The following RNLS variants were observed in gnomAD, a reference collection of about 807,000 sequenced individuals.
RNLS encodes renalase.
A neutral mutation model predicts 39.8 loss-of-function variants in RNLS; 39 were observed. The observed-to-expected ratio is 0.98, with a 90% CI of 0.76 to 1.28. The LOEUF (loss-of-function observed/expected upper bound fraction) is 1.28, where lower values mean the gene tolerates loss of function less well. RNLS is among the 50% of genes most tolerant of loss of function. The pLI is 0.00. For synonymous variants in RNLS, 147 were observed against 150.7 expected (o/e 0.98, Z 0.18); for missense variants, 410 against 413.3 (o/e 0.99, Z 0.07).
chr10:88,510,852 A>C (rs909121380), intron 4 of RNLS, among the ~76,000 whole-genome samples: 1 of 151,102 alleles, frequency 6.6e-6, no homozygotes, highest in Non-Finnish European at 1.5e-5. Flanking sequence ...GTTTCGAGAA[A>C]AAAAAAAAAG....
At chr10:88,446,781 T>C (rs10736354) in intron 4 of RNLS, among the ~76,000 whole-genome samples, 106,032 of 152,070 alleles carry the variant, frequency 0.7, 37,896 homozygotes, top group African/African-American at 0.86. Flanking sequence ...ACTGGCAAAC[T>C]GAATCCAGCA....
At chr10:88,189,604 A>G in the RNLS span, among the ~76,000 whole-genome samples, 7 of 152,188 alleles carry the variant, frequency 4.6e-5, no homozygotes, top group African/African-American at 1.7e-4. Flanking sequence ...AGGGACTACT[A>G]CTGTTCTTAT....
intron 4 of RNLS, among the ~76,000 whole-genome samples, chr10:88,461,202 T>C (rs1842917340): frequency 6.6e-6 from 1 of 152,062 alleles, no homozygotes; most frequent in African/African-American, 2.4e-5. Context: ...TCAAGTTATG[T>C]CCTCAAGGCT....
chr10:88,344,065 A>C lies in RNLS; in HGVS notation c.700+18487T>G, dbSNP rs192240455. ...CTACTCAGCATTATGCCCTCTATGA[A>C]ATTTTGTGTTAAGTGGTATTATGAT... is the stretch of plus-strand genomic sequence containing the variant. On this transcript the variant is annotated intron_variant, in intron 5 of 6. Coordinates refer to ENST00000331772, the MANE Select transcript of RNLS (RefSeq NM_001031709.3). Among the ~76,000 whole-genome samples, 8 of 152,198 alleles carry C rather than the reference A, an allele frequency of 5.3e-5. No individual in the cohort carries two copies. The East Asian group carries it at 1.5e-3, about 29-fold the overall frequency.
chr10:88,583,025 C>T, intron 1 of RNLS, 48 bp downstream of exon 1: 12 of 1,591,626 alleles, frequency 7.5e-6, no homozygotes, highest in Non-Finnish European at 1.0e-5. Flanking sequence ...CCTCAGCAGC[C>T]TGCCCGGCAG....
chr10:88,268,339 AG>A, the RNLS span, among the ~76,000 whole-genome samples: 3 of 152,130 alleles, frequency 2.0e-5, no homozygotes, highest in East Asian at 5.8e-4. Flanking sequence ...AAAACTTGAA[AG>A]CTCTCCATAT....
the RNLS span, among the ~76,000 whole-genome samples, chr10:88,232,025 T>G: frequency 6.6e-6 from 1 of 151,740 alleles, no homozygotes; most frequent in East Asian, 1.9e-4. Context: ...GATTCCATGT[T>G]TGTGGTTGTG....
rs183305680 is a variant in RNLS, at chr10:88,313,145, T to C, written c.876+1321A>G. ...GCACAACTTTGATTAGACCATTTTG[T>C]GGTTAGGACAAATCTATTTTTATTA... On this transcript the variant is annotated intron_variant, in intron 6 of 6. Transcript: ENST00000331772. 2.8e-3 allele frequency among the ~76,000 whole-genome samples: 432 copies of C among 152,356 alleles called. 2 individuals are homozygous for C. The highest frequency in any genetic ancestry group is 8.9e-3 in the African/African-American group (368 of 41,580).
At chr10:88,554,278 A>T (rs536390106) in intron 4 of RNLS, among the ~76,000 whole-genome samples, 1 of 152,212 alleles carries the variant, frequency 6.6e-6, no homozygotes, top group African/African-American at 2.4e-5. Flanking sequence ...ACATATAAAT[A>T]GTAAATGGAA....
chr10:88,428,143 T>C (rs1854915990), intron 4 of RNLS, among the ~76,000 whole-genome samples: 1 of 152,140 alleles, frequency 6.6e-6, no homozygotes, highest in East Asian at 1.9e-4. Context: ...TTTAAAAGAA[T>C]TTTATTTCTG....
intron 3 of RNLS, among the ~76,000 whole-genome samples, chr10:88,580,694 C>T (rs1447375031): frequency 6.6e-6 from 1 of 152,072 alleles, no homozygotes; most frequent in Non-Finnish European, 1.5e-5. Flanking sequence ...ATGAATAAGA[C>T]ATTCACAGAA....
intron 5 of RNLS, among the ~76,000 whole-genome samples, chr10:88,349,602 C>T (rs1848536556): frequency 6.6e-6 from 1 of 152,024 alleles, no homozygotes; most frequent in Non-Finnish European, 1.5e-5. Flanking sequence ...TGAACCTGGT[C>T]CCCATATTTG....
the RNLS span, among the ~76,000 whole-genome samples, chr10:88,203,318 G>GTA: frequency 2.1e-3 from 9 of 4,346 alleles, 3 homozygotes; most frequent in East Asian, 4.3e-3. Flanking sequence ...ATATACGTAT[G>GTA]TATATATATA....
the RNLS span, among the ~76,000 whole-genome samples, chr10:88,237,671 T>C: frequency 1.3e-5 from 2 of 152,230 alleles, no homozygotes; most frequent in Non-Finnish European, 2.9e-5. Context: ...AATGATGCTT[T>C]TTGTGTACTG....
At chr10:88,520,140 G>A (rs1846640693) in intron 4 of RNLS, among the ~76,000 whole-genome samples, 1 of 151,946 alleles carries the variant, frequency 6.6e-6, no homozygotes, top group Admixed American at 6.6e-5. Flanking sequence ...AAATACTGAA[G>A]AGGTACTGCT....
At chr10:88,336,160 C>T (rs1233925522) in intron 5 of RNLS, among the ~76,000 whole-genome samples, 1 of 152,206 alleles carries the variant, frequency 6.6e-6, no homozygotes, top group Non-Finnish European at 1.5e-5. Context: ...GTTCCATAGG[C>T]AACCCTAAGA....
At chr10:88,303,223 AGCCAGCT>A (rs1844660416) in intron 6 of RNLS, among the ~76,000 whole-genome samples, 1 of 152,230 alleles carries the variant, frequency 6.6e-6, no homozygotes, top group Admixed American at 6.5e-5. Flanking sequence ...AGGGGCAGCA[AGCCAGCT>A]GATGTGGAGC....
the RNLS span, among the ~76,000 whole-genome samples, chr10:88,239,250 C>A: frequency 6.6e-6 from 1 of 152,144 alleles, no homozygotes; most frequent in Non-Finnish European, 1.5e-5. Context: ...GATGGGTTAA[C>A]CGCAGAGTAA....
At chr10:88,481,631 T>C (rs544117654) in intron 4 of RNLS, among the ~76,000 whole-genome samples, 7 of 152,304 alleles carry the variant, frequency 4.6e-5, no homozygotes, top group African/African-American at 1.7e-4. Flanking sequence ...TCATATAAAT[T>C]ACATATATGT....
Sources: allele counts gnomAD v4.1 joint callset (sites outside exome capture counted in the v4.1 genomes callset), GRCh38; gene constraint gnomAD v4.1.1; transcripts MANE v1.5; gene names NCBI Gene and HGNC (gene_info 2026-07-23, HGNC 2026-07-21).